Variants in SEPTIN10 observed in about 807,000 individuals in gnomAD.
The protein encoded by SEPTIN10 is septin-10.
SEPTIN10 carries 66 observed loss-of-function variants against 54.8 expected under a neutral mutation model. That is an observed-to-expected ratio of 1.21 (90% CI 0.99 to 1.48). The LOEUF is 1.48. Among genes scored for constraint, SEPTIN10 ranks in the 40% most tolerant of loss-of-function variants. SEPTIN10 has a pLI of 0.00. For synonymous variants in SEPTIN10, 161 were observed against 181.0 expected (o/e 0.89, Z 0.89); for missense variants, 620 against 545.6 (o/e 1.14, Z -1.36).
intron 4 of SEPTIN10, among the ~76,000 whole-genome samples, chr2:109,584,142 A>G (rs1481291581): frequency 6.6e-6 from 1 of 152,214 alleles, no homozygotes; most frequent in Admixed American, 6.5e-5. Context: ...TCTAAACGAA[A>G]AATTGAAATT....
intron 1 of SEPTIN10, chr2:109,613,214 A>G: frequency 1.6e-6 from 2 of 1,282,250 alleles, no homozygotes; most frequent in Middle Eastern, 2.1e-4. Context: ...AAGCGAGATA[A>G]ATCTACAAAA....
At chr2:109,567,098 TG>T (rs1687210031) in intron 6 of SEPTIN10, among the ~76,000 whole-genome samples, 1 of 152,140 alleles carries the variant, frequency 6.6e-6, no homozygotes, top group Non-Finnish European at 1.5e-5. Flanking sequence ...AGAAATGGAA[TG>T]AACAATTATT....
At chr2:109,568,240 G>A (rs892124704) in intron 5 of SEPTIN10, among the ~76,000 whole-genome samples, 2 of 152,062 alleles carry the variant, frequency 1.3e-5, no homozygotes, top group Non-Finnish European at 2.9e-5. Flanking sequence ...ATAAACCACA[G>A]GGCCTGTGAC....
chr2:109,552,093 C>T (rs933153639), intron 9 of SEPTIN10, among the ~76,000 whole-genome samples: 8 of 151,900 alleles, frequency 5.3e-5, no homozygotes, highest in African/African-American at 1.9e-4. Context: ...GGAGCACAAA[C>T]CCTATTGCAA....
intron 9 of SEPTIN10, among the ~76,000 whole-genome samples, chr2:109,547,453 CT>C (rs1163183716): frequency 2.1e-5 from 3 of 143,504 alleles, no homozygotes; most frequent in Non-Finnish European, 4.5e-5. Flanking sequence ...CCGTATACAA[CT>C]GTTAAATGAG....
intron 1 of SEPTIN10, among the ~76,000 whole-genome samples, chr2:109,608,123 TTTTTA>T (rs1454831886): frequency 6.6e-6 from 1 of 152,232 alleles, no homozygotes; most frequent in Non-Finnish European, 1.5e-5. Flanking sequence ...CAAAAGCAGC[TTTTTA>T]TTTTAATTTT....
chr2:109,600,008 C>A (rs1354484053), intron 1 of SEPTIN10, among the ~76,000 whole-genome samples: 1 of 152,160 alleles, frequency 6.6e-6, no homozygotes, highest in Non-Finnish European at 1.5e-5. Context: ...CTGTGGCCTA[C>A]AAAGATTGCA....
At chr2:109,612,074 A>C (rs1192720404) in intron 1 of SEPTIN10, among the ~76,000 whole-genome samples, 1 of 152,198 alleles carries the variant, frequency 6.6e-6, no homozygotes, top group African/African-American at 2.4e-5. Flanking sequence ...CAACAACTGA[A>C]AACAACCTAG....
In SEPTIN10 at chr2:109,567,797, A is replaced by C; in HGVS notation, c.762+18T>G. The C allele has an allele frequency of 6.5e-7, 1 of 1,549,382 alleles. No homozygotes were observed. Among genetic ancestry groups the C allele is most frequent in the Non-Finnish European group, 8.7e-7 (1 of 1,146,588 alleles). ...TTTTCACATGGAAAACAGAATTAAC[A>C]TTCAATCAGGAGCTCACATTCATTG... On this transcript the variant is annotated intron_variant, in intron 6 of 10. Coordinates refer to ENST00000397712, the MANE Select transcript of SEPTIN10 (RefSeq NM_144710.5).
intron 10 of SEPTIN10, chr2:109,545,678 T>G (rs1339340166): frequency 6.8e-7 from 1 of 1,467,476 alleles, no homozygotes; most frequent in East Asian, 2.5e-5. Flanking sequence ...TATTTAGACA[T>G]GAAATTCAAA....
At position 109,567,971 on chromosome 2, in the gene SEPTIN10, G is replaced by A. The variant is rs1326933687; in HGVS notation, c.606C>T (p.Asn202=). 6.3e-7 allele frequency: 1 copy of A among 1,589,788 alleles called. No homozygotes were observed. Among genetic ancestry groups the A allele is most frequent in the East Asian group, 2.2e-5 (1 of 44,618 alleles). The change falls in exon 6 of 11, where the codon AAC becomes AAT. Residue 202 remains asparagine, a synonymous_variant. Transcript: ENST00000397712. ...CTGCTTTGGCAATCACTGGTATAAT[G>A]TTTACCTATTAAGAATAAAGAAAAA... ...LTMKNLDSKV[N]IIPVIAKADT...
In SEPTIN10 at chr2:109,573,401, T is replaced by C. The variant is rs1331487058; in HGVS notation, c.600+1180A>G. Among the ~76,000 whole-genome samples the C allele has an allele frequency of 2.0e-5, 3 of 152,366 alleles. No individual in the cohort carries two copies. In the South Asian group the frequency reaches 6.2e-4, roughly 32 times the overall value. The stretch of plus-strand genomic sequence containing the variant: ...TTTATGTTCCTTTAACAAATATGAA[T>C]TTCCATATAATCAGACTCAACTATG... On this transcript the variant is annotated intron_variant, in intron 5 of 10. Coordinates refer to ENST00000397712, the MANE Select transcript of SEPTIN10 (RefSeq NM_144710.5).
chr2:109,613,314 T>A (rs1699684148), intron 1 of SEPTIN10: 3 of 501,026 alleles, frequency 6.0e-6, no homozygotes, highest in African/African-American at 2.0e-5. Flanking sequence ...AAAATCCCAA[T>A]GGAGGAAAAC....
chr2:109,605,949 G>C (rs1373413407), intron 1 of SEPTIN10, among the ~76,000 whole-genome samples: 1 of 152,164 alleles, frequency 6.6e-6, no homozygotes, highest in Non-Finnish European at 1.5e-5. Flanking sequence ...AGCAACAGAT[G>C]CAAAATGCTG....
intron 2 of SEPTIN10, among the ~76,000 whole-genome samples, chr2:109,592,756 G>A (rs1392467326): frequency 6.6e-6 from 1 of 151,594 alleles, no homozygotes; most frequent in Non-Finnish European, 1.5e-5. Context: ...CTCCAGCCTG[G>A]GCGACAGAGC....
chr2:109,576,139 T>C (rs1364840324), intron 4 of SEPTIN10, among the ~76,000 whole-genome samples: 1 of 152,152 alleles, frequency 6.6e-6, no homozygotes, highest in African/African-American at 2.4e-5. Context: ...GAGGTGCCTA[T>C]AGTCCTAGCT....
chr2:109,551,810 T>A (rs1251122469), intron 9 of SEPTIN10, among the ~76,000 whole-genome samples: 4 of 152,250 alleles, frequency 2.6e-5, no homozygotes, highest in African/African-American at 9.6e-5. Context: ...CAAGAAATCA[T>A]GTATTTTCAA....
intron 9 of SEPTIN10, among the ~76,000 whole-genome samples, chr2:109,547,786 A>G (rs1171998342): frequency 6.6e-6 from 1 of 152,224 alleles, no homozygotes; most frequent in Non-Finnish European, 1.5e-5. Flanking sequence ...CGTTTTTACC[A>G]TGATGGCTGG....
In SEPTIN10 at chr2:109,586,589, C is replaced by A. The variant is rs2068789; in HGVS notation, c.100-751G>T. On this transcript the variant is annotated intron_variant, in intron 2 of 10. Transcript: ENST00000397712. ...ATCTACAAACACACTCCACTCAAAT[C>A]CATGGCTGATGGCCAAACTGCACAC... is the stretch of plus-strand genomic sequence containing the variant. 9.5e-3 allele frequency among the ~76,000 whole-genome samples: 1,450 copies of A among 152,308 alleles called. 65 individuals carry two copies. The East Asian group carries it at 0.13, about 13-fold the overall frequency.
Sources: gnomAD v4.1 joint callset for allele counts (sites outside exome capture counted in the v4.1 genomes callset) on GRCh38, gnomAD v4.1.1 for gene constraint, MANE v1.5 for transcripts, NCBI Gene and HGNC (gene_info 2026-07-23, HGNC 2026-07-21) for gene names.